The following DMXL2 variants were observed in gnomAD, a reference collection of about 807,000 sequenced individuals.
The protein encoded by DMXL2 is Dmx like 2.
A neutral mutation model predicts 331.1 loss-of-function variants in DMXL2; 103 were observed. The ratio of observed to expected loss-of-function variants is 0.31; its 90% confidence interval spans 0.27 to 0.37. The LOEUF (loss-of-function observed/expected upper bound fraction) is 0.37. Ranked by LOEUF, DMXL2 falls within the 10% of genes least tolerant of loss-of-function variation. The probability of loss-of-function intolerance (pLI) is 1.00; values close to 1 mark genes in which losing one functional copy is unlikely to be tolerated. For synonymous variants in DMXL2, 1,281 were observed against 1,252.1 expected (o/e 1.02, Z -0.49); for missense variants, 3,171 against 3,642.9 (o/e 0.87, Z 3.33).
At chr15:51,521,577 T>C (rs1390890964) in intron 13 of DMXL2, among the ~76,000 whole-genome samples, 1 of 152,110 alleles carries the variant, frequency 6.6e-6, no homozygotes, top group African/African-American at 2.4e-5. Context: ...AAGCCTGGTA[T>C]ACTATTCCCT....
At position 51,545,693 on chromosome 15, in the gene DMXL2, G is replaced by C. The variant is rs1299607161; in HGVS notation, c.820C>G (p.Pro274Ala). The C allele has an allele frequency of 1.2e-6, 2 of 1,613,652 alleles. No individual in the cohort carries two copies. Among genetic ancestry groups the C allele is most frequent in the African/African-American group, 2.7e-5 (2 of 74,976 alleles). Residue 274 changes from proline to alanine, a missense_variant, in exon 8 of 44, where the codon CCA becomes GCA. Around this residue, in one of 7 missense-constraint regions of DMXL2, gnomAD observed 1,674 missense variants for 1,780.2 expected, o/e 0.94. Coordinates refer to ENST00000560891, the MANE Select transcript of DMXL2 (RefSeq NM_001378457.1). ...TGCTCACCCAAAAGACAGTCTTCTG[G>C]TAATAAAGTTTCTGCCCAGAGCCGG... ...VCRLWAETLL[P>A]EDCLLGEQIC...
chr15:51,478,521 T>A (rs1030270128), intron 25 of DMXL2, among the ~76,000 whole-genome samples, 174 bp from the exon 26 acceptor site: 1 of 152,162 alleles, frequency 6.6e-6, no homozygotes, highest in Non-Finnish European at 1.5e-5. Flanking sequence ...CCCACCTTTA[T>A]ACACATGCCA....
At chr15:51,509,386 T>A (rs565269248) in intron 15 of DMXL2, among the ~76,000 whole-genome samples, 179 of 152,162 alleles carry the variant, frequency 1.2e-3, no homozygotes, top group Non-Finnish European at 2.0e-3. Context: ...TCATCACTGA[T>A]CCCACAGAAA....
intron 13 of DMXL2, among the ~76,000 whole-genome samples, chr15:51,531,778 A>G (rs2048015565): frequency 6.6e-6 from 1 of 152,222 alleles, no homozygotes; most frequent in African/African-American, 2.4e-5. Flanking sequence ...AAGGTGCCCA[A>G]TATCACAGAT....
chr15:51,464,619 T>C (rs1176432545), intron 32 of DMXL2, 56 bp downstream of exon 32: 4 of 1,499,160 alleles, frequency 2.7e-6, no homozygotes, highest in African/African-American at 2.8e-5. Context: ...TTAGCCAAAC[T>C]GTCTTCCAGA....
At chr15:51,591,963 G>A (rs2052383199) in intron 1 of DMXL2, among the ~76,000 whole-genome samples, 1 of 152,048 alleles carries the variant, frequency 6.6e-6, no homozygotes, top group African/African-American at 2.4e-5. Context: ...ACAAAGATGG[G>A]GAAAAAACAG....
rs2048391429 is a variant in DMXL2, at chr15:51,538,221, A to G, written c.1337T>C (p.Leu446Ser). Residue 446 changes from leucine (L) to serine (S), a missense_variant, in exon 10 of 44, where the codon TTA becomes TCA. By Grantham distance (145) the Leu-to-Ser change is moderately radical. Coordinates refer to ENST00000560891, the MANE Select transcript of DMXL2 (RefSeq NM_001378457.1). ...GAACACAGGATACTAACCATGGTCTAATTTCATATGTAAACCCCGTTCTCT... is the reference window on the plus strand; with the variant it reads ...GAACACAGGATACTAACCATGGTCTGATTTCATATGTAAACCCCGTTCTCT... ...EDRERGLHMK[L>S]DHDLSLDRES... 1 of 1,612,452 alleles carries G rather than the reference A, an allele frequency of 6.2e-7. No homozygotes were observed. The highest frequency in any genetic ancestry group is 1.7e-5 in the Admixed American group (1 of 59,906).
Position 51,606,603 on chromosome 15 carries a change from T to C in DMXL2, c.87+15856A>G, listed in dbSNP as rs201669850. 2.1e-4 allele frequency among the ~76,000 whole-genome samples: 32 copies of C among 152,328 alleles called. No individual in the cohort carries two copies. In the East Asian group the frequency reaches 4.4e-3, roughly 21 times the overall value. Reference sequence around the variant, plus strand: ...TAAACAGTAAAATCCCCAAGACATGTCACCTAATTAAATTAAAATTCCCTT... The same window carrying C: ...TAAACAGTAAAATCCCCAAGACATGCCACCTAATTAAATTAAAATTCCCTT... On this transcript the variant is annotated intron_variant, in intron 1 of 43. Transcript: ENST00000560891.
chr15:51,535,100 G>C (rs2048213940), intron 13 of DMXL2, among the ~76,000 whole-genome samples: 1 of 152,030 alleles, frequency 6.6e-6, no homozygotes, highest in Non-Finnish European at 1.5e-5. Context: ...AATAGTCATT[G>C]GTTTTCAATA....
rs1361664941 is a variant in DMXL2, at chr15:51,576,088, T to C, written c.181A>G (p.Ser61Gly). 6 of 1,607,770 alleles carry C rather than the reference T, an allele frequency of 3.7e-6. No homozygotes were observed. The highest frequency in any genetic ancestry group is 5.1e-6 in the Non-Finnish European group (6 of 1,178,530). ...PGAKHGNIQVSCVECSNQQGR... is the reference protein window; with the variant it reads ...PGAKHGNIQVGCVECSNQQGR... ...TGTTGGTTAGAACACTCCACACAGC[T>C]GACTTGGATGTTTCCATGCTTAGCA... is the stretch of plus-strand genomic sequence containing the variant. The change falls in exon 2 of 44, where the codon AGC becomes GGC. Residue 61 changes from serine to glycine, a missense_variant. This residue lies in a region of DMXL2 where 1,674 missense variants were observed against 1,780.2 expected (regional missense o/e 0.94). Coordinates refer to ENST00000560891, the MANE Select transcript of DMXL2 (RefSeq NM_001378457.1).
At chr15:51,603,107 A>G (rs1430062733) in intron 1 of DMXL2, among the ~76,000 whole-genome samples, 3 of 152,210 alleles carry the variant, frequency 2.0e-5, no homozygotes, top group East Asian at 1.9e-4. Flanking sequence ...TCCAAATCAC[A>G]TAGAAGGCAG....
chr15:51,555,679 A>G (rs2049517647), intron 6 of DMXL2, among the ~76,000 whole-genome samples: 1 of 152,206 alleles, frequency 6.6e-6, no homozygotes, highest in Non-Finnish European at 1.5e-5. Context: ...AGAAATCACT[A>G]TACATGTATT....
chr15:51,578,966 G>A (rs1300143009), intron 1 of DMXL2, among the ~76,000 whole-genome samples: 1 of 152,234 alleles, frequency 6.6e-6, no homozygotes, highest in Middle Eastern at 3.4e-3. Flanking sequence ...TTAGTTGAGC[G>A]TGGTGTCACA....
At chr15:51,539,193 G>C (rs1466690364) in intron 9 of DMXL2, among the ~76,000 whole-genome samples, 1 of 150,848 alleles carries the variant, frequency 6.6e-6, no homozygotes, top group Non-Finnish European at 1.5e-5. Context: ...CTGTGTGACA[G>C]AGCAAGACTC....
At chr15:51,459,891 C>A (rs1030213916) in intron 33 of DMXL2, 2 of 1,125,894 alleles carry the variant, frequency 1.8e-6, no homozygotes, top group Non-Finnish European at 2.2e-6. Context: ...AACATAAAAG[C>A]TATTTCAAAA....
intron 2 of DMXL2, among the ~76,000 whole-genome samples, chr15:51,569,521 T>C (rs9806669): frequency 0.019 from 2,916 of 152,250 alleles, 96 homozygotes; most frequent in African/African-American, 0.066. Flanking sequence ...GACCCCCCCG[T>C]GTACCCAGAC....
intron 1 of DMXL2, among the ~76,000 whole-genome samples, chr15:51,598,344 C>A (rs2052979230): frequency 6.6e-6 from 1 of 152,074 alleles, no homozygotes; most frequent in Admixed American, 6.6e-5. Context: ...TTGAAAGTTG[C>A]AGGCATGATT....
At position 51,557,295 on chromosome 15, in the gene DMXL2, A is replaced by G. The variant is rs181707857; in HGVS notation, c.567+6086T>C. On this transcript the variant is annotated intron_variant, in intron 6 of 43. Transcript: ENST00000560891. The stretch of plus-strand genomic sequence containing the variant: ...ATGATTCCATTTATAACAGTATCAA[A>G]AACATCAAATATCTAGGAATTAATC... Among the ~76,000 whole-genome samples the G allele has an allele frequency of 2.4e-3, 366 of 152,328 alleles. 2 individuals carry two copies. The highest frequency in any genetic ancestry group is 3.7e-3 in the Non-Finnish European group (253 of 68,026).
At position 51,480,032 on chromosome 15, in the gene DMXL2, C is replaced by T; in HGVS notation, c.6672G>A (p.Leu2224=). The T allele has an allele frequency of 6.3e-7, 1 of 1,599,554 alleles. No individual in the cohort carries two copies. Among genetic ancestry groups the T allele is most frequent in the Non-Finnish European group, 8.6e-7 (1 of 1,168,592 alleles). Residue 2224 remains leucine, a synonymous_variant, in exon 25 of 44, where the codon TTG becomes TTA. Transcript: ENST00000560891. ...STKTVIANPV[L]YLNNHIHDIL... ...TATCATGGATGTGATTATTTAAGTA[C>T]AATACAGGATTAGCTATGACTGTTT...
Sources: allele counts gnomAD v4.1 joint callset (sites outside exome capture counted in the v4.1 genomes callset), GRCh38; gene constraint gnomAD v4.1.1; regional missense constraint gnomAD v4.1.1; transcripts MANE v1.5; gene names NCBI Gene and HGNC (gene_info 2026-07-23, HGNC 2026-07-21).